Variants in GALM observed in about 807,000 individuals in gnomAD.
GALM encodes the protein aldose 1-epimerase.
A neutral mutation model predicts 37.4 loss-of-function variants in GALM; 43 were observed. The observed-to-expected ratio is 1.15, with a 90% CI of 0.90 to 1.48. GALM has a LOEUF of 1.48. Ranked by LOEUF, GALM falls within the 40% of genes most tolerant of loss-of-function variation. The pLI is 0.00. For synonymous variants in GALM, 199 were observed against 170.6 expected (o/e 1.17, Z -1.30); for missense variants, 456 against 419.1 (o/e 1.09, Z -0.77).
At chr2:38,705,740 G>C (rs1208463808) in intron 4 of GALM, among the ~76,000 whole-genome samples, 1 of 152,188 alleles carries the variant, frequency 6.6e-6, no homozygotes, top group Non-Finnish European at 1.5e-5. Flanking sequence ...GAGAGTGTGT[G>C]TCTTCTTAAA....
chr2:38,720,030 C>T (rs1006940942), intron 4 of GALM, among the ~76,000 whole-genome samples: 1 of 151,536 alleles, frequency 6.6e-6, no homozygotes, highest in African/African-American at 2.4e-5. Context: ...GGTGAAACCC[C>T]GTCTCTACTA....
At chr2:38,701,257 G>A (rs773878516) in intron 4 of GALM, among the ~76,000 whole-genome samples, 6 of 152,126 alleles carry the variant, frequency 3.9e-5, no homozygotes, top group Non-Finnish European at 8.8e-5. Flanking sequence ...GAGCTGGGCA[G>A]CCTGCCCAGC....
At chr2:38,708,166 G>A (rs75652034) in intron 4 of GALM, among the ~76,000 whole-genome samples, 11,613 of 151,026 alleles carry the variant, frequency 0.077, 727 homozygotes, top group East Asian at 0.32. Flanking sequence ...CTGGCATGGT[G>A]GCTTGCACCT....
chr2:38,720,449 T>TGGGGGCAA, intron 4 of GALM, among the ~76,000 whole-genome samples: 1 of 110,414 alleles, frequency 9.1e-6, no homozygotes. Context: ...AGGCTGTGGG[T>TGGGGGCAA]GGGGGCAAGG....
Position 38,699,103 on chromosome 2 carries a change from G to A in GALM, c.634+9209G>A, listed in dbSNP as rs189410593. 1.5e-4 allele frequency among the ~76,000 whole-genome samples: 22 copies of A among 151,700 alleles called. No homozygotes were observed. In the East Asian group the frequency reaches 2.3e-3, roughly 16 times the overall value. On this transcript the variant is annotated intron_variant, in intron 4 of 6. Coordinates refer to ENST00000272252, the MANE Select transcript of GALM (RefSeq NM_138801.3). ...TAATTTTTGTATTTTTAGTAGAGAC[G>A]GGGTTTCACCATGTTGGCCAGGCTG...
intron 6 of GALM, 109 bp downstream of exon 6, chr2:38,732,018 G>C (rs1666619183): frequency 1.1e-6 from 1 of 942,924 alleles, no homozygotes; most frequent in Non-Finnish European, 1.6e-6. Context: ...TTCATGCTTT[G>C]TTTGTTTGGT....
At chr2:38,687,854 T>C (rs1665575319) in intron 3 of GALM, among the ~76,000 whole-genome samples, 1 of 152,186 alleles carries the variant, frequency 6.6e-6, no homozygotes, top group South Asian at 2.1e-4. Context: ...TCAGTTGGAT[T>C]GTGTGGGCCA....
chr2:38,694,813 C>T (rs1045809003), intron 4 of GALM, among the ~76,000 whole-genome samples: 1 of 145,164 alleles, frequency 6.9e-6, no homozygotes, highest in African/African-American at 2.5e-5. Flanking sequence ...AGGAGAATGG[C>T]GTGAACCCGG....
intron 2 of GALM, 44 bp from the exon 3 acceptor site, chr2:38,681,236 T>G (rs773482020): frequency 7.0e-7 from 1 of 1,420,350 alleles, no homozygotes; most frequent in South Asian, 1.1e-5. Flanking sequence ...GCATTTAGCT[T>G]GAGGATGGAG....
chr2:38,712,957 G>A (rs1666200205), intron 4 of GALM, among the ~76,000 whole-genome samples: 1 of 152,120 alleles, frequency 6.6e-6, no homozygotes, highest in South Asian at 2.1e-4. Flanking sequence ...TCCTTTCCTG[G>A]TTCTGTTCTC....
chr2:38,717,269 T>G (rs1380643453), intron 4 of GALM, among the ~76,000 whole-genome samples: 2 of 150,308 alleles, frequency 1.3e-5, no homozygotes, highest in Admixed American at 6.6e-5. Context: ...AAAAAAAAGT[T>G]TATGCTGTGA....
At position 38,733,488 on chromosome 2, in the gene GALM, C is replaced by A; in HGVS notation, c.952C>A (p.Pro318Thr). The A allele has an allele frequency of 6.2e-7, 1 of 1,613,488 alleles. No homozygotes were observed. The highest frequency in any genetic ancestry group is 8.5e-7 in the Non-Finnish European group (1 of 1,179,466). ...CACCTGTGTTGTTTCCCCTTCACAG[C>A]CCCGCTTCCCTCCTGTGCTGCTGAG... The part of the protein sequence containing the change: ...TQNWPDAVNQ[P>T]RFPPVLLRPG... The change falls in exon 7 of 7, where the codon CCC becomes ACC. Residue 318 changes from proline to threonine, a missense_variant and splice_region_variant. Pro to Thr is a conservative substitution (Grantham distance 38). Coordinates refer to ENST00000272252, the MANE Select transcript of GALM (RefSeq NM_138801.3).
At position 38,729,630 on chromosome 2, in the gene GALM, T is replaced by A; in HGVS notation, c.709T>A (p.Phe237Ile). 1.2e-6 allele frequency: 2 copies of A among 1,613,206 alleles called. No individual in the cohort carries two copies. The change falls in exon 5 of 7, where the codon TTC (phenylalanine) becomes ATC (isoleucine). Residue 237 changes from phenylalanine to isoleucine, a missense_variant. Coordinates refer to ENST00000272252, the MANE Select transcript of GALM (RefSeq NM_138801.3). The stretch of plus-strand genomic sequence containing the variant: ...GGAGCTTGGAAAACACCTGCAGGAC[T>A]TCCATCTCAATGGTTTTGACCACAA... ...PVELGKHLQD[F>I]HLNGFDHNFC...
intron 1 of GALM, among the ~76,000 whole-genome samples, chr2:38,674,036 G>A (rs1430339057): frequency 4.6e-5 from 7 of 151,958 alleles, no homozygotes; most frequent in Admixed American, 6.6e-5. Flanking sequence ...TGAAGTGTAC[G>A]TGCCAGACTG....
intron 4 of GALM, among the ~76,000 whole-genome samples, chr2:38,710,690 C>A (rs899056420): frequency 6.6e-6 from 1 of 152,028 alleles, no homozygotes. Context: ...CAGGCATGAG[C>A]CACCATGCCT....
chr2:38,705,725 C>G (rs1480820256), intron 4 of GALM, among the ~76,000 whole-genome samples: 1 of 152,318 alleles, frequency 6.6e-6, no homozygotes, highest in East Asian at 1.9e-4. Flanking sequence ...GCAGGGTCAG[C>G]ACCTGAGAGT....
intron 3 of GALM, among the ~76,000 whole-genome samples, chr2:38,683,635 C>T (rs1665454327): frequency 6.6e-6 from 1 of 151,856 alleles, no homozygotes; most frequent in South Asian, 2.1e-4. Context: ...GGCACGATCT[C>T]GGCTCACTGC....
In GALM at chr2:38,734,417, G is replaced by GCTCTCTCT. The variant is rs534435127; in HGVS notation, c.*856_*863dup. 6.9e-6 allele frequency: 1 copy of GCTCTCTCT among 145,944 alleles called. No homozygotes were observed. Among genetic ancestry groups the GCTCTCTCT allele is most frequent in the Non-Finnish European group, 1.5e-5 (1 of 66,978 alleles). The allele number at this position is 145,944 out of a possible 1,614,324, so 9.0% of individuals were successfully genotyped here. ...AAAAAAAAAAAAGGAAAAAAAAGCA[G>GCTCTCTCT]CTCTCTCTCTCGGGAGAGGGAGGGG... is the stretch of plus-strand genomic sequence containing the variant. On this transcript the variant is annotated 3_prime_UTR_variant, in exon 7 of 7. Coordinates refer to ENST00000272252, the MANE Select transcript of GALM (RefSeq NM_138801.3).
At chr2:38,725,402 G>A (rs901690031) in intron 4 of GALM, among the ~76,000 whole-genome samples, 14 of 151,966 alleles carry the variant, frequency 9.2e-5, no homozygotes, top group African/African-American at 3.4e-4. Context: ...CAGGGGTGCT[G>A]GTACATGCCT....
Sources: allele counts gnomAD v4.1 joint callset (sites outside exome capture counted in the v4.1 genomes callset), GRCh38; gene constraint gnomAD v4.1.1; transcripts MANE v1.5; gene names NCBI Gene and HGNC (gene_info 2026-07-23, HGNC 2026-07-21).